Variants in ADAMTSL1 observed in about 807,000 individuals in gnomAD.
ADAMTSL1 encodes ADAMTS like 1, also known as ADAMTS-like protein 1.
Under a neutral mutation model 201.8 loss-of-function variants are expected in ADAMTSL1, and 126 were observed. That is an observed-to-expected ratio of 0.62 (90% CI 0.54 to 0.72). The LOEUF (loss-of-function observed/expected upper bound fraction) is 0.72. ADAMTSL1 is among the 30% of genes least tolerant of loss of function. The probability of loss-of-function intolerance (pLI) is 0.00; values close to 1 mark genes in which losing one functional copy is unlikely to be tolerated. For missense variants in ADAMTSL1, 2,679 were observed against 2,277.8 expected, an observed-to-expected ratio of 1.18 and a Z score of -3.59; for synonymous variants, 1,121 against 903.4, an observed-to-expected ratio of 1.24 and a Z score of -4.32.
intron 3 of ADAMTSL1, among the ~76,000 whole-genome samples, chr9:18,566,624 A>C (rs1438587936): frequency 6.6e-6 from 1 of 152,168 alleles, no homozygotes; most frequent in Non-Finnish European, 1.5e-5. Context: ...TTCCAGGCAG[A>C]AGGGATGGAT....
chr9:18,590,679 C>G (rs1176640520), intron 4 of ADAMTSL1, among the ~76,000 whole-genome samples: 1 of 152,032 alleles, frequency 6.6e-6, no homozygotes, highest in Non-Finnish European at 1.5e-5. Context: ...CTTAGTATCA[C>G]TCTTCCTGTA....
chr9:17,987,418 T>G (rs1818972657), intron 1 of ADAMTSL1, among the ~76,000 whole-genome samples: 1 of 152,126 alleles, frequency 6.6e-6, no homozygotes, highest in African/African-American at 2.4e-5. Context: ...GACGTTATTG[T>G]TTTATTGCAT....
At chr9:17,980,929 G>A (rs1818664933) in intron 1 of ADAMTSL1, among the ~76,000 whole-genome samples, 1 of 152,094 alleles carries the variant, frequency 6.6e-6, no homozygotes, top group African/African-American at 2.4e-5. Context: ...ATCAAACTGG[G>A]GGAGAGAGGA....
rs551204184 is a variant in ADAMTSL1, at chr9:18,663,006, A to T, written c.1085+933A>T. On this transcript the variant is annotated intron_variant, in intron 9 of 28. Transcript: ENST00000380548. ...GAGAAACATCTCAATGTTATTTTTTAAAATCATACTATACTGATGATGTAT... is the reference window on the plus strand; with the variant it reads ...GAGAAACATCTCAATGTTATTTTTTTAAATCATACTATACTGATGATGTAT... Among the ~76,000 whole-genome samples, 32 of 152,316 alleles carry T rather than the reference A, an allele frequency of 2.1e-4. No homozygotes were observed. In the South Asian group the frequency reaches 6.6e-3, roughly 32 times the overall value.
chr9:18,304,414 T>C (rs1833828489), intron 2 of ADAMTSL1, among the ~76,000 whole-genome samples: 1 of 149,834 alleles, frequency 6.7e-6, no homozygotes, highest in Admixed American at 6.6e-5. Flanking sequence ...TTAATTCCAC[T>C]GTACTGTGCC....
chr9:18,832,456 C>T (rs530535788), intron 23 of ADAMTSL1, among the ~76,000 whole-genome samples: 3 of 152,142 alleles, frequency 2.0e-5, no homozygotes, highest in East Asian at 1.9e-4. Flanking sequence ...ACAAATCTTT[C>T]GAGGGTTTTT....
intron 2 of ADAMTSL1, among the ~76,000 whole-genome samples, chr9:18,529,875 A>T (rs1463201171): frequency 1.3e-5 from 2 of 152,168 alleles, no homozygotes; most frequent in Non-Finnish European, 2.9e-5. Flanking sequence ...CAACTACAGG[A>T]TATTCTTTGG....
At chr9:18,079,978 G>A (rs1374495246) in intron 1 of ADAMTSL1, among the ~76,000 whole-genome samples, 1 of 152,130 alleles carries the variant, frequency 6.6e-6, no homozygotes, top group African/African-American at 2.4e-5. Context: ...TTGTGGGAGT[G>A]CTTGACCAGG....
chr9:18,186,902 G>A (rs982160105), intron 2 of ADAMTSL1, among the ~76,000 whole-genome samples: 2 of 151,598 alleles, frequency 1.3e-5, no homozygotes, highest in African/African-American at 4.8e-5. Flanking sequence ...TATTATTGAC[G>A]ATAAGGATGG....
At chr9:18,266,741 G>A (rs970881264) in intron 2 of ADAMTSL1, among the ~76,000 whole-genome samples, 2 of 152,230 alleles carry the variant, frequency 1.3e-5, no homozygotes, top group East Asian at 1.9e-4. Flanking sequence ...ACAAGACTCA[G>A]TAAACATGGC....
intron 2 of ADAMTSL1, among the ~76,000 whole-genome samples, chr9:18,355,698 AAAAAAATT>A (rs1285209486): frequency 6.6e-6 from 1 of 152,190 alleles, no homozygotes; most frequent in African/African-American, 2.4e-5. Flanking sequence ...GCTTCTTACT[AAAAAAATT>A]AAAAAATTAA....
At chr9:18,594,493 A>C (rs1824133342) in intron 4 of ADAMTSL1, among the ~76,000 whole-genome samples, 1 of 152,154 alleles carries the variant, frequency 6.6e-6, no homozygotes. Flanking sequence ...TAGATCCCAT[A>C]AACTTTGTTC....
At chr9:18,567,066 TACTGAATTAGAA>T (rs1821950181) in intron 3 of ADAMTSL1, among the ~76,000 whole-genome samples, 1 of 152,168 alleles carries the variant, frequency 6.6e-6, no homozygotes, top group Admixed American at 6.5e-5. Context: ...ACCCCAGGTC[TACTGAATTAGAA>T]GCTCTGGAGG....
intron 2 of ADAMTSL1, among the ~76,000 whole-genome samples, chr9:18,465,836 C>T (rs968172251): frequency 6.6e-6 from 1 of 152,198 alleles, no homozygotes; most frequent in African/African-American, 2.4e-5. Flanking sequence ...GCAACCTCCG[C>T]CTCCTGGGTT....
chr9:18,777,981 A>G (rs1821163121), intron 19 of ADAMTSL1, 75 bp downstream of exon 19: 50 of 1,496,086 alleles, frequency 3.3e-5, no homozygotes, highest in East Asian at 4.6e-5. Flanking sequence ...CTACTTACAC[A>G]TTCTTCAAGG....
chr9:18,641,271 C>T (rs578016403), intron 7 of ADAMTSL1, among the ~76,000 whole-genome samples: 1 of 152,216 alleles, frequency 6.6e-6, no homozygotes, highest in African/African-American at 2.4e-5. Flanking sequence ...ATCTCCCCAC[C>T]TCTGTGTTCC....
At chr9:18,849,479 T>A (rs527295238) in intron 23 of ADAMTSL1, among the ~76,000 whole-genome samples, 1 of 152,326 alleles carries the variant, frequency 6.6e-6, no homozygotes, top group East Asian at 1.9e-4. Context: ...AGGGCATCAC[T>A]ACTTCCTCTC....
chr9:18,219,343 T>TTTA (rs1830170247), intron 2 of ADAMTSL1, among the ~76,000 whole-genome samples: 1 of 145,410 alleles, frequency 6.9e-6, no homozygotes. Flanking sequence ...TACATTTTAT[T>TTTA]TTTATTTATT....
At chr9:18,448,614 T>C (rs1290836345) in intron 2 of ADAMTSL1, among the ~76,000 whole-genome samples, 1 of 152,234 alleles carries the variant, frequency 6.6e-6, no homozygotes, top group South Asian at 2.1e-4. Flanking sequence ...TAGATGTTTC[T>C]GCTAGAATGT....
Sources: gnomAD v4.1 joint callset for allele counts (sites outside exome capture counted in the v4.1 genomes callset) on GRCh38, gnomAD v4.1.1 for gene constraint, MANE v1.5 for transcripts, NCBI Gene and HGNC (gene_info 2026-07-23, HGNC 2026-07-21) for gene names.